The following POC1B variants were observed in gnomAD, a reference collection of about 807,000 sequenced individuals.
POC1B encodes the protein POC1 centriolar protein homolog B.
A neutral mutation model predicts 60.6 loss-of-function variants in POC1B; 44 were observed. That is an observed-to-expected ratio of 0.73 (90% CI 0.57 to 0.93). The LOEUF is 0.93. Ranked by LOEUF, POC1B falls within the 40% of genes least tolerant of loss-of-function variation. POC1B has a pLI of 0.00. For synonymous variants in POC1B, 180 were observed against 198.9 expected (o/e 0.90, Z 0.80); for missense variants, 555 against 572.3 (o/e 0.97, Z 0.31).
the POC1B span, among the ~76,000 whole-genome samples, chr12:89,402,053 C>G: frequency 1.2e-4 from 19 of 152,312 alleles, no homozygotes; most frequent in Non-Finnish European, 2.1e-4. Context: ...GTGCTCAGAG[C>G]TGCTCACTGT....
chr12:89,510,150 G>C (rs560130736), intron 2 of POC1B, among the ~76,000 whole-genome samples: 1 of 152,086 alleles, frequency 6.6e-6, no homozygotes, highest in Non-Finnish European at 1.5e-5. Context: ...CGCCCAGCCT[G>C]TTTCGTTTTT....
At chr12:89,452,754 T>A (rs1345792388) in intron 10 of POC1B, among the ~76,000 whole-genome samples, 1 of 152,170 alleles carries the variant, frequency 6.6e-6, no homozygotes, top group African/African-American at 2.4e-5. Flanking sequence ...GGTGATACTG[T>A]TAGTAAACTT....
At chr12:89,451,554 T>C (rs918737019) in intron 10 of POC1B, among the ~76,000 whole-genome samples, 2 of 152,126 alleles carry the variant, frequency 1.3e-5, no homozygotes, top group African/African-American at 4.8e-5. Flanking sequence ...CCTGACAATC[T>C]CAGAAAGTAA....
intron 2 of POC1B, among the ~76,000 whole-genome samples, chr12:89,517,632 C>CAA (rs113256657): frequency 7.2e-6 from 1 of 139,248 alleles, no homozygotes; most frequent in Non-Finnish European, 1.6e-5. Context: ...GACTTGGTCT[C>CAA]AAAAAAAAAA....
chr12:89,413,621 C>T, the POC1B span, among the ~76,000 whole-genome samples: 1 of 152,066 alleles, frequency 6.6e-6, no homozygotes, highest in Non-Finnish European at 1.5e-5. Context: ...TAGTTATTTC[C>T]ATTTTTATGA....
intron 2 of POC1B, chr12:89,524,071 T>C: frequency 6.2e-7 from 1 of 1,613,818 alleles, no homozygotes; most frequent in South Asian, 1.1e-5. Flanking sequence ...AGGAGAAGTT[T>C]CTAAAACACT....
chr12:89,425,129 A>G (rs755718392), intron 11 of POC1B, 32 bp downstream of exon 11: 1 of 1,604,130 alleles, frequency 6.2e-7, no homozygotes, highest in Non-Finnish European at 8.5e-7. Context: ...TTTACCCCCA[A>G]GTGCAACTCA....
At chr12:89,502,164 C>T (rs1869606070) in intron 2 of POC1B, 8 of 1,161,146 alleles carry the variant, frequency 6.9e-6, no homozygotes, top group South Asian at 1.3e-5. Flanking sequence ...GTGGACCTTC[C>T]AGGCTCAATA....
chr12:89,481,172 A>T (rs1454664508), intron 4 of POC1B, among the ~76,000 whole-genome samples: 1 of 152,200 alleles, frequency 6.6e-6, no homozygotes, highest in Non-Finnish European at 1.5e-5. Context: ...CCTGGCTCTA[A>T]TTGTTTTCTT....
chr12:89,522,353 C>T, intron 2 of POC1B: 1 of 393,950 alleles, frequency 2.5e-6, no homozygotes, highest in Non-Finnish European at 4.5e-6. Flanking sequence ...ATTTAATGTG[C>T]TGGCTAAAAA....
chr12:89,476,527 G>A (rs765245732), intron 4 of POC1B, among the ~76,000 whole-genome samples: 36 of 152,012 alleles, frequency 2.4e-4, no homozygotes, highest in Non-Finnish European at 4.7e-4. Context: ...AGGCAATATG[G>A]TGAATCCCCA....
intron 4 of POC1B, 27 bp from the exon 5 acceptor site, chr12:89,472,302 T>C (rs1349912744): frequency 6.7e-7 from 1 of 1,484,044 alleles, no homozygotes; most frequent in Non-Finnish European, 9.4e-7. Context: ...AGAAGATGTT[T>C]TATGTGAAAG....
intron 11 of POC1B, among the ~76,000 whole-genome samples, chr12:89,423,080 C>T (rs1017835043): frequency 6.6e-6 from 1 of 152,126 alleles, no homozygotes; most frequent in African/African-American, 2.4e-5. Context: ...TCTTAGCTCC[C>T]TGCAACCTCT....
chr12:89,459,493 C>A, intron 10 of POC1B, 145 bp downstream of exon 10: 9 of 293,086 alleles, frequency 3.1e-5, no homozygotes, highest in Non-Finnish European at 4.4e-5. Context: ...GTAAATATGA[C>A]TATAAAGTTT....
chr12:89,411,149 T>C, the POC1B span, among the ~76,000 whole-genome samples: 1 of 152,226 alleles, frequency 6.6e-6, no homozygotes, highest in Non-Finnish European at 1.5e-5. Context: ...AAACATTCTA[T>C]GCTTATGGAT....
intron 4 of POC1B, among the ~76,000 whole-genome samples, chr12:89,473,441 C>T (rs963199440): frequency 5.9e-5 from 9 of 152,144 alleles, no homozygotes; most frequent in Non-Finnish European, 1.2e-4. Context: ...GAGGCTGAGG[C>T]AGGCGGATCA....
chr12:89,448,661 T>G (rs1881895997), intron 10 of POC1B, among the ~76,000 whole-genome samples: 1 of 152,202 alleles, frequency 6.6e-6, no homozygotes, highest in African/African-American at 2.4e-5. Context: ...AAATAATTAT[T>G]CATATCAGGA....
downstream of POC1B, among the ~76,000 whole-genome samples, chr12:89,418,975 G>C (rs578031165): frequency 6.6e-5 from 10 of 152,266 alleles, no homozygotes; most frequent in South Asian, 1.9e-3. Flanking sequence ...GGGAAATGAA[G>C]GTGGTAAGAA....
chr12:89,452,221 C>G (rs1041743168), intron 10 of POC1B, among the ~76,000 whole-genome samples: 1 of 152,034 alleles, frequency 6.6e-6, no homozygotes, highest in Non-Finnish European at 1.5e-5. Context: ...CCGGGACAGT[C>G]GGTATTACTG....
Sources: allele counts gnomAD v4.1 joint callset (sites outside exome capture counted in the v4.1 genomes callset), GRCh38; gene constraint gnomAD v4.1.1; transcripts MANE v1.5; gene names NCBI Gene and HGNC (gene_info 2026-07-23, HGNC 2026-07-21).